GPHN: variants seen among roughly 807,000 people sequenced by gnomAD.
GPHN encodes the protein gephyrin.
A neutral mutation model predicts 95.5 loss-of-function variants in GPHN; 17 were observed. The ratio of observed to expected loss-of-function variants is 0.18; its 90% CI spans 0.12 to 0.27. The LOEUF (loss-of-function observed/expected upper bound fraction) is 0.27, where lower values mean the gene tolerates loss of function less well. Among genes scored for constraint, GPHN ranks in the 10% least tolerant of loss-of-function variants. GPHN has a pLI of 1.00. For missense variants in GPHN, 660 were observed against 978.1 expected (o/e 0.67, Z 4.34); for synonymous variants, 320 against 322.5 (o/e 0.99, Z 0.08).
At chr14:66,767,057 T>A (rs1595837667) in intron 2 of GPHN, among the ~76,000 whole-genome samples, 1 of 152,130 alleles carries the variant, frequency 6.6e-6, no homozygotes, top group Admixed American at 6.6e-5. Context: ...TTACTTCATA[T>A]AAGCTTTTAA....
chr14:66,996,773 C>G (rs1028858075), intron 9 of GPHN, among the ~76,000 whole-genome samples: 1 of 151,984 alleles, frequency 6.6e-6, no homozygotes, highest in African/African-American at 2.4e-5. Flanking sequence ...TTTTTTGCTA[C>G]TTATATTTTC....
At chr14:66,693,749 C>T (rs1347064607) in intron 2 of GPHN, among the ~76,000 whole-genome samples, 1 of 152,098 alleles carries the variant, frequency 6.6e-6, no homozygotes, top group Non-Finnish European at 1.5e-5. Flanking sequence ...TTTATCAGTA[C>T]TCTGTATAAT....
the GPHN span, among the ~76,000 whole-genome samples, chr14:67,339,177 A>C: frequency 6.6e-6 from 1 of 152,004 alleles, no homozygotes; most frequent in Non-Finnish European, 1.5e-5. Flanking sequence ...TTGTATTTTT[A>C]GTAGAGACGG....
chr14:67,474,151 C>T, the GPHN span, among the ~76,000 whole-genome samples: 2 of 152,050 alleles, frequency 1.3e-5, no homozygotes, highest in East Asian at 1.9e-4. Flanking sequence ...ACTTGGGAAG[C>T]TGAGGCAGAA....
intron 9 of GPHN, among the ~76,000 whole-genome samples, chr14:66,974,378 T>G (rs1195405309): frequency 6.6e-6 from 1 of 152,122 alleles, no homozygotes; most frequent in African/African-American, 2.4e-5. Context: ...TTGTTTTTCA[T>G]TATAATTATC....
At chr14:67,110,398 T>C (rs2078298701) in intron 14 of GPHN, 139 bp downstream of exon 14, 2 of 775,196 alleles carry the variant, frequency 2.6e-6, no homozygotes, top group East Asian at 5.1e-5. Flanking sequence ...GGTGGGATCT[T>C]ATATTGTAGT....
intron 2 of GPHN, among the ~76,000 whole-genome samples, chr14:66,712,360 G>T (rs1178179336): frequency 6.6e-6 from 1 of 151,996 alleles, no homozygotes; most frequent in African/African-American, 2.4e-5. Flanking sequence ...ATTTTTTCAT[G>T]TGTCTGTGGG....
At chr14:67,624,954 GAAACC>G in the GPHN span, among the ~76,000 whole-genome samples, 1 of 152,184 alleles carries the variant, frequency 6.6e-6, no homozygotes, top group Non-Finnish European at 1.5e-5. Flanking sequence ...CAATCACAGT[GAAACC>G]AGGAGGCTGG....
At chr14:66,530,892 C>T (rs1003120215) in intron 1 of GPHN, among the ~76,000 whole-genome samples, 8 of 151,634 alleles carry the variant, frequency 5.3e-5, no homozygotes, top group African/African-American at 1.9e-4. Flanking sequence ...CAGATCGAAG[C>T]TGTTCCTATT....
chr14:67,663,100 G>A, the GPHN span: 53 of 1,511,196 alleles, frequency 3.5e-5, no homozygotes, highest in East Asian at 9.2e-4. Context: ...TGACTTGAAC[G>A]ATGAGAACGT....
intron 5 of GPHN, among the ~76,000 whole-genome samples, chr14:66,884,818 G>GTATATA (rs34476314): frequency 6.5e-4 from 94 of 144,944 alleles, no homozygotes; most frequent in Non-Finnish European, 1.0e-3. Context: ...ATGTGTGTGT[G>GTATATA]TATATATATA....
chr14:66,811,782 A>G (rs935419786), intron 3 of GPHN, among the ~76,000 whole-genome samples: 6 of 152,222 alleles, frequency 3.9e-5, no homozygotes, highest in Non-Finnish European at 5.9e-5. Flanking sequence ...CAAATAAAAT[A>G]ATAGGTGTTT....
the GPHN span, chr14:67,575,389 C>T: frequency 1.3e-6 from 2 of 1,587,880 alleles, no homozygotes; most frequent in Non-Finnish European, 1.7e-6. Flanking sequence ...TTCTGTCTTA[C>T]AGGTAAAGCA....
the GPHN span, among the ~76,000 whole-genome samples, chr14:67,296,185 A>G: frequency 6.6e-6 from 1 of 152,154 alleles, no homozygotes; most frequent in African/African-American, 2.4e-5. Context: ...CTGAGAATAT[A>G]CCAGGAAGCG....
intron 2 of GPHN, among the ~76,000 whole-genome samples, chr14:66,681,634 A>G (rs1453632056): frequency 1.3e-5 from 2 of 152,150 alleles, no homozygotes; most frequent in Admixed American, 6.5e-5. Flanking sequence ...GATGTTTTAC[A>G]TATGGCACAA....
chr14:67,433,685 A>G, the GPHN span, among the ~76,000 whole-genome samples: 1 of 152,368 alleles, frequency 6.6e-6, no homozygotes, highest in South Asian at 2.1e-4. Flanking sequence ...AAAAGCAGTC[A>G]TCACTATATT....
chr14:67,266,972 G>T, the GPHN span, among the ~76,000 whole-genome samples: 5 of 151,778 alleles, frequency 3.3e-5, no homozygotes, highest in Non-Finnish European at 7.4e-5. Flanking sequence ...AGCCAGGCGT[G>T]GTGGCCCATT....
chr14:66,833,380 A>C (rs556008307), intron 4 of GPHN, among the ~76,000 whole-genome samples: 54 of 152,276 alleles, frequency 3.5e-4, no homozygotes, highest in African/African-American at 1.1e-3. Context: ...TTAAATTATT[A>C]GTACCTCCCA....
chr14:66,584,315 C>T (rs1012787466), intron 1 of GPHN, among the ~76,000 whole-genome samples: 10 of 152,230 alleles, frequency 6.6e-5, no homozygotes, highest in African/African-American at 2.2e-4. Context: ...TCTAGTTATA[C>T]AATCTTGTCA....
Sources: allele counts gnomAD v4.1 joint callset (sites outside exome capture counted in the v4.1 genomes callset), GRCh38; gene constraint gnomAD v4.1.1; transcripts MANE v1.5; gene names NCBI Gene and HGNC (gene_info 2026-07-23, HGNC 2026-07-21).